The following CAD variants were observed in gnomAD, a reference collection of about 807,000 sequenced individuals.
The protein encoded by CAD is carbamoyl-phosphate synthetase 2, aspartate transcarbamylase, and dihydroorotase.
In CAD, 81 loss-of-function variants were observed where a neutral mutation model predicts 237.2. That is an observed-to-expected ratio of 0.34 (90% confidence interval 0.29 to 0.41). The LOEUF (loss-of-function observed/expected upper bound fraction) is 0.41, where lower values mean the gene tolerates loss of function less well. Ranked by LOEUF, CAD falls within the 10% of genes least tolerant of loss-of-function variation. The probability of loss-of-function intolerance (pLI) is 1.00; values close to 1 mark genes in which losing one functional copy is unlikely to be tolerated. For synonymous variants in CAD, 1,196 were observed against 1,162.8 expected (o/e 1.03, Z -0.58); for missense variants, 2,181 against 2,951.7 (o/e 0.74, Z 6.05).
chr2:27,240,745 T>C lies in CAD; in HGVS notation c.5594-166T>C. 1.4e-5 allele frequency: 17 copies of C among 1,202,782 alleles called. No individual in the cohort carries two copies. The South Asian group carries it at 2.4e-4, about 17-fold the overall frequency. 74.5% of individuals were successfully genotyped at this position (1,202,782 alleles called of 1,614,324 possible). A position where few individuals can be genotyped will look rare whatever the true frequency, so the allele number is the denominator to read the frequency against. ...ACACAGCCCCATGGGAAGCCACCTGTCTGTCCCCAGAGCTGCTGCAGTCCC... is the reference window on the plus strand; with the variant it reads ...ACACAGCCCCATGGGAAGCCACCTGCCTGTCCCCAGAGCTGCTGCAGTCCC... On this transcript the variant is annotated intron_variant, in intron 35 of 43. Transcript: ENST00000264705. This position sits in a 1 kb window ranked among gnomAD's most constrained non-coding sequence, Gnocchi z 4.6.
In CAD at chr2:27,226,127, A is replaced by G. The variant is rs748145641; in HGVS notation, c.1843-4A>G. The G allele has an allele frequency of 2.7e-5, 44 of 1,613,204 alleles. No individual in the cohort carries two copies. The Middle Eastern group carries it at 6.6e-4, about 24-fold the overall frequency. On this transcript the variant is annotated splice_region_variant and splice_polypyrimidine_tract_variant and intron_variant, in intron 12 of 43. Transcript: ENST00000264705. ...AGTGACCTCCATGGCACCCCCCTTCACAGGTGTGTAACATGGAGAACTTGG... is the reference window on the plus strand; with the variant it reads ...AGTGACCTCCATGGCACCCCCCTTCGCAGGTGTGTAACATGGAGAACTTGG...
At position 27,241,763 on chromosome 2, in the gene CAD, T is replaced by A. The variant is rs536227001; in HGVS notation, c.5884-148T>A. ...CAGAGTGACACCAGTGGTGGAAACG[T>A]CAAGGCTCTGACAGGTCACAGGGGA... is the stretch of plus-strand genomic sequence containing the variant. On this transcript the variant is annotated intron_variant, in intron 38 of 43. Transcript: ENST00000264705. This position sits in a 1 kb window ranked among gnomAD's most constrained non-coding sequence, Gnocchi z 4.6. 1 of 644,846 alleles carries A rather than the reference T, an allele frequency of 1.6e-6. No homozygotes were observed. Among genetic ancestry groups the A allele is most frequent in the South Asian group, 1.9e-5 (1 of 52,218 alleles). 39.9% of individuals were successfully genotyped at this position (644,846 alleles called of 1,614,324 possible).
At position 27,235,805 on chromosome 2, in the gene CAD, C is replaced by T; in HGVS notation, c.4074+165C>T. The T allele has an allele frequency of 1.7e-6, 1 of 600,642 alleles. No individual in the cohort carries two copies. The highest frequency in any genetic ancestry group is 2.9e-6 in the Non-Finnish European group (1 of 341,470). 37.2% of individuals were successfully genotyped at this position (600,642 alleles called of 1,614,324 possible). ...TCTTGAGCCCAGGAGGTAGAGGCTGCAGTGAGCTGCGAGTGTGCAGTGAGT... is the reference window on the plus strand; with the variant it reads ...TCTTGAGCCCAGGAGGTAGAGGCTGTAGTGAGCTGCGAGTGTGCAGTGAGT... On this transcript the variant is annotated intron_variant, in intron 25 of 43. Coordinates refer to ENST00000264705, the MANE Select transcript of CAD (RefSeq NM_004341.5). This position sits in a 1 kb window ranked among gnomAD's most constrained non-coding sequence, Gnocchi z 5.2.
rs529898660 is a variant in CAD, at chr2:27,240,825, A to C, written c.5594-86A>C. 6.3e-5 allele frequency: 92 copies of C among 1,454,310 alleles called. 1 individual carries two copies. Among genetic ancestry groups the C allele is most frequent in the African/African-American group, 2.5e-4 (18 of 71,902 alleles). 90.1% of individuals were successfully genotyped at this position (1,454,310 alleles called of 1,614,324 possible). ...TGTTGTGAATTGGTTTAACATATAC[A>C]CTGTGATTCAGAGTTCCTGGGAATA... On this transcript the variant is annotated intron_variant, in intron 35 of 43. Transcript: ENST00000264705. This position sits in a 1 kb window ranked among gnomAD's most constrained non-coding sequence, Gnocchi z 4.6.
rs756331240 is a variant in CAD, at chr2:27,237,929, G to T, written c.4728+47G>T. The stretch of plus-strand genomic sequence containing the variant: ...GGAGGCCACCACCCAGTGTCTCCTG[G>T]CTTGTGGGCCCCTGCCTAAGTGGGC... On this transcript the variant is annotated intron_variant, in intron 29 of 43. Transcript: ENST00000264705. The surrounding 1 kb of genome is among the most constrained non-coding windows in gnomAD (Gnocchi z 4.0). 4 of 1,578,940 alleles carry T rather than the reference G, an allele frequency of 2.5e-6. No individual in the cohort carries two copies. Among genetic ancestry groups the T allele is most frequent in the Non-Finnish European group, 2.6e-6 (3 of 1,160,044 alleles).
chr2:27,229,396 A>C (rs548000458), intron 15 of CAD, among the ~76,000 whole-genome samples: 2 of 151,910 alleles, frequency 1.3e-5, no homozygotes, highest in African/African-American at 4.8e-5. Flanking sequence ...CCTTCTGAGG[A>C]GTGAGACTAC....
Position 27,224,397 on chromosome 2 carries a change from C to T in CAD, c.1161C>T (p.Gly387=), listed in dbSNP as rs1464932958. The T allele has an allele frequency of 6.2e-7, 1 of 1,614,134 alleles. No homozygotes were observed. The highest frequency in any genetic ancestry group is 1.3e-5 in the African/African-American group (1 of 74,946). Residue 387 remains glycine (G), a synonymous_variant, in exon 9 of 44, where the codon GGC becomes GGT. Transcript: ENST00000264705. ...RLCPPGIPTP[G]SGLPPPRKVL... Reference sequence around the variant, plus strand: ...GTCCCCCTGGGATTCCCACTCCCGGCTCTGGACTTCCACCACCACGAAAGG... The same window carrying T: ...GTCCCCCTGGGATTCCCACTCCCGGTTCTGGACTTCCACCACCACGAAAGG...
chr2:27,226,472 C>T (rs1007046221), intron 13 of CAD, 53 bp from the exon 14 acceptor site: 320 of 1,594,560 alleles, frequency 2.0e-4, no homozygotes, highest in Non-Finnish European at 2.6e-4. Context: ...CTTTCTGAGA[C>T]CTCTCCTAGA....
At position 27,241,923 on chromosome 2, in the gene CAD, G is replaced by T. The variant is rs1362575167; in HGVS notation, c.5896G>T (p.Ala1966Ser). ...GCTCTTTCCCTAGGGGAAGGTCATG[G>T]CCTCCATGTTCTATGAAGTGAGCAC... ...SLDILKGKVM[A>S]SMFYEVSTRT... Residue 1966 changes from alanine to serine, a missense_variant, in exon 39 of 44, where the codon GCC becomes TCC. Physicochemically the swap from Ala to Ser is moderately conservative, Grantham distance 99. Around this residue, in one of 12 missense-constraint regions of CAD, gnomAD observed 203 missense variants for 284.5 expected, o/e 0.71. Coordinates refer to ENST00000264705, the MANE Select transcript of CAD (RefSeq NM_004341.5). The surrounding 1 kb of genome is among the most constrained non-coding windows in gnomAD (Gnocchi z 4.6). 6.2e-7 allele frequency: 1 copy of T among 1,612,708 alleles called. No individual in the cohort carries two copies. Among genetic ancestry groups the T allele is most frequent in the Non-Finnish European group, 8.5e-7 (1 of 1,179,294 alleles).
chr2:27,220,953 G>C (rs1675133567), intron 2 of CAD, among the ~76,000 whole-genome samples: 1 of 151,956 alleles, frequency 6.6e-6, no homozygotes, highest in Non-Finnish European at 1.5e-5. Flanking sequence ...GTGAGACTCT[G>C]TCTCAAAAAA....
intron 15 of CAD, among the ~76,000 whole-genome samples, chr2:27,227,273 G>A (rs1675485968): frequency 6.6e-6 from 1 of 152,078 alleles, no homozygotes; most frequent in South Asian, 2.1e-4. Flanking sequence ...TCAGAGCAGG[G>A]CATCATAAAC....
Position 27,232,290 on chromosome 2 carries a change from AC to A in CAD, c.2645+69del. The A allele has an allele frequency of 6.3e-7, 1 of 1,597,726 alleles. No homozygotes were observed. Among genetic ancestry groups the A allele is most frequent in the African/African-American group, 1.3e-5 (1 of 74,792 alleles). ...GGCAGAACCTTTGTATCAGTGAGGGACCCTTGGGAGGGAGGAAGGAGAGTGT... is the reference window on the plus strand; with the variant it reads ...GGCAGAACCTTTGTATCAGTGAGGGACCTTGGGAGGGAGGAAGGAGAGTGT... On this transcript the variant is annotated intron_variant, in intron 17 of 43. Transcript: ENST00000264705. The surrounding 1 kb of genome is among the most constrained non-coding windows in gnomAD (Gnocchi z 4.1).
chr2:27,232,791 C>T lies in CAD; in HGVS notation c.2892+97C>T. Reference sequence around the variant, plus strand: ...CTGGCATTTCCTATTAATTGCCGTCCCTTACTTTGGTCATAGAGCTTTGGG... The same window carrying T: ...CTGGCATTTCCTATTAATTGCCGTCTCTTACTTTGGTCATAGAGCTTTGGG... On this transcript the variant is annotated intron_variant, in intron 18 of 43. Transcript: ENST00000264705. This position sits in a 1 kb window ranked among gnomAD's most constrained non-coding sequence, Gnocchi z 4.1. 1 of 1,493,490 alleles carries T rather than the reference C, an allele frequency of 6.7e-7. No homozygotes were observed. Among genetic ancestry groups the T allele is most frequent in the Non-Finnish European group, 9.2e-7 (1 of 1,082,666 alleles). 92.5% of individuals were successfully genotyped at this position (1,493,490 alleles called of 1,614,324 possible).
chr2:27,223,848 A>G (rs554405490), intron 7 of CAD, 69 bp from the exon 8 acceptor site: 114 of 1,538,452 alleles, frequency 7.4e-5, no homozygotes, highest in Middle Eastern at 3.4e-4. Flanking sequence ...CTGTCCCACT[A>G]CCCACCTCGA....
chr2:27,228,977 G>A (rs1340583103), intron 15 of CAD, among the ~76,000 whole-genome samples: 1 of 145,214 alleles, frequency 6.9e-6, no homozygotes, highest in Non-Finnish European at 1.5e-5. Flanking sequence ...GGAGTGCAGT[G>A]GTGCTATCTC....
At position 27,225,303 on chromosome 2, in the gene CAD, C is replaced by CTTT. The variant is rs1221617250; in HGVS notation, c.1620+78_1620+80dup. ...GTGTTTTTTTTGGTAGTGTTATTTT[C>CTTT]TTTTTTTTTTTTTTTTTTTTGAGAC... On this transcript the variant is annotated intron_variant, in intron 11 of 43. Transcript: ENST00000264705. 13,468 of 535,448 alleles carry CTTT rather than the reference C, an allele frequency of 0.025. 326 individuals carry two copies. Among genetic ancestry groups the CTTT allele is most frequent in the African/African-American group, 0.07 (2,552 of 36,254 alleles). 33.2% of individuals were successfully genotyped at this position (535,448 alleles called of 1,614,324 possible). A position where few individuals can be genotyped will look rare whatever the true frequency, so the allele number is the denominator to read the frequency against.
Position 27,243,782 on chromosome 2 carries a change from C to T in CAD, c.*264C>T. 4.1e-6 allele frequency: 2 copies of T among 489,272 alleles called. No individual in the cohort carries two copies. The highest frequency in any genetic ancestry group is 6.7e-5 in the East Asian group (2 of 29,786). 30.3% of individuals were successfully genotyped at this position (489,272 alleles called of 1,614,324 possible). A position where few individuals can be genotyped will look rare whatever the true frequency, so the allele number is the denominator to read the frequency against. ...GACTTAATAAACAGCCGAGCTGTCCCTTGATGCTGAGTGTAGTAGAACAGA... is the reference window on the plus strand; with the variant it reads ...GACTTAATAAACAGCCGAGCTGTCCTTTGATGCTGAGTGTAGTAGAACAGA... On this transcript the variant is annotated 3_prime_UTR_variant, in exon 44 of 44. Coordinates refer to ENST00000264705, the MANE Select transcript of CAD (RefSeq NM_004341.5).
Position 27,222,180 on chromosome 2 carries a change from T to A in CAD, c.353-14T>A. 5.6e-6 allele frequency: 9 copies of A among 1,611,978 alleles called. No individual in the cohort carries two copies. The highest frequency in any genetic ancestry group is 6.8e-6 in the Non-Finnish European group (8 of 1,178,486). ...TGTAGGAATGTGATCCCTAAGACTG[T>A]GCTATTTTGACAGGAGTAGACACTC... On this transcript the variant is annotated splice_polypyrimidine_tract_variant and intron_variant, in intron 3 of 43. Transcript: ENST00000264705.
At chr2:27,238,670 G>A in intron 31 of CAD, 38 bp downstream of exon 31, 2 of 1,559,814 alleles carry the variant, frequency 1.3e-6, no homozygotes, top group Non-Finnish European at 1.7e-6. Flanking sequence ...TGCCCAGTGG[G>A]GCTTGTGGGA....
Sources: gnomAD v4.1 joint callset for allele counts (sites outside exome capture counted in the v4.1 genomes callset) on GRCh38, gnomAD v4.1.1 for gene constraint, gnomAD v4.1.1 regional missense constraint, Gnocchi (gnomAD v3.1) non-coding constraint, MANE v1.5 for transcripts, NCBI Gene and HGNC (gene_info 2026-07-23, HGNC 2026-07-21) for gene names.